DNAH11: variants seen among roughly 807,000 people sequenced by gnomAD.
The protein encoded by DNAH11 is dynein axonemal heavy chain 11.
Under a neutral mutation model 526.0 loss-of-function variants are expected in DNAH11, and 442 were observed. The ratio of observed to expected loss-of-function variants is 0.84; its 90% CI spans 0.78 to 0.91. The LOEUF is 0.91. DNAH11 is among the 40% of genes least tolerant of loss of function. The pLI is 0.00. For synonymous variants in DNAH11, 2,461 were observed against 1,935.9 expected (o/e 1.27, Z -7.12); for missense variants, 6,989 against 5,448.7 (o/e 1.28, Z -8.90).
intron 32 of DNAH11, among the ~76,000 whole-genome samples, chr7:21,685,992 A>G (rs1027636877): frequency 6.6e-6 from 1 of 152,198 alleles, no homozygotes; most frequent in African/African-American, 2.4e-5. Flanking sequence ...AAAACTTGGA[A>G]CCACTGGAGA....
intron 45 of DNAH11, 24 bp from the exon 46 acceptor site, chr7:21,735,616 G>C (rs983479366): frequency 7.1e-6 from 11 of 1,554,938 alleles, no homozygotes; most frequent in Non-Finnish European, 9.6e-6. Context: ...TCTGATCTTT[G>C]TCTCATTCTG....
chr7:21,866,534 G>T lies in DNAH11; in HGVS notation c.11561G>T (p.Trp3854Leu), dbSNP rs1783286698. Residue 3854 changes from tryptophan to leucine, a missense_variant, in exon 71 of 82, where the codon TGG becomes TTG. Trp to Leu is a moderately conservative substitution (Grantham distance 61). Transcript: ENST00000409508. ...DRDVEGSAKQ[W>L]RKWVESECPE... ...GATGTGGAAGGATCTGCCAAGCAGT[G>T]GAGGAAGTGGGTAGAATCCGAGTGT... 1.2e-6 allele frequency: 2 copies of T among 1,613,802 alleles called. No homozygotes were observed. The highest frequency in any genetic ancestry group is 1.7e-6 in the Non-Finnish European group (2 of 1,179,888).
At position 21,809,274 on chromosome 7, in the gene DNAH11, T is replaced by G. The variant is rs1157114201; in HGVS notation, c.10332+1225T>G. 2.6e-5 allele frequency among the ~76,000 whole-genome samples: 4 copies of G among 152,230 alleles called. No individual in the cohort carries two copies. The East Asian group carries it at 5.8e-4, about 22-fold the overall frequency. The stretch of plus-strand genomic sequence containing the variant: ...TTGAGTTGTTTGAGTTCCTTATGTA[T>G]TCTGGTTATTGATGCCTTGTTGGGT... On this transcript the variant is annotated intron_variant, in intron 63 of 81. Transcript: ENST00000409508.
intron 45 of DNAH11, among the ~76,000 whole-genome samples, chr7:21,730,626 G>A (rs1406033872): frequency 6.6e-6 from 1 of 152,130 alleles, no homozygotes; most frequent in Non-Finnish European, 1.5e-5. Context: ...TCACTGACTT[G>A]TGAAATTTTA....
rs1234806386 is a variant in DNAH11, at chr7:21,789,850, T to TTCTTTCTC, written c.10026+511_10026+512insTTCTCTCT. Among the ~76,000 whole-genome samples, 131 of 143,660 alleles carry TTCTTTCTC rather than the reference T, an allele frequency of 9.1e-4. 1 individual carries two copies. The highest frequency in any genetic ancestry group is 3.1e-3 in the African/African-American group (122 of 39,124). 94.2% of individuals were successfully genotyped at this position (143,660 alleles called of 152,430 possible). On this transcript the variant is annotated intron_variant, in intron 61 of 81. Coordinates refer to ENST00000409508, the MANE Select transcript of DNAH11 (RefSeq NM_001277115.2). ...TTTCTTTCTTTCTTTCTTTCTTTCT[T>TTCTTTCTC]TCTCTCTCCTTCCTTCCTTTTCTTT...
chr7:21,604,567 G>A (rs989877087), intron 18 of DNAH11, among the ~76,000 whole-genome samples: 1 of 152,146 alleles, frequency 6.6e-6, no homozygotes, highest in Non-Finnish European at 1.5e-5. Context: ...ATCTCTGCCT[G>A]TTGAAACCTA....
chr7:21,868,941 GA>G lies in DNAH11; in HGVS notation c.11919del (p.Val3974TrpfsTer21). ...AGGACAAGGTCAGGAGACGGTGGCA[GA>G]AGTGGCCCTGGAGAAAGCTTCCAAA... is the stretch of plus-strand genomic sequence containing the variant. ...SLGQGQETVA[E>X]VALEKASKGG... On this transcript the variant is annotated frameshift_variant, in exon 73 of 82. Transcript: ENST00000409508. LOFTEE classifies it high-confidence loss of function. 6.2e-7 allele frequency: 1 copy of G among 1,614,018 alleles called. No homozygotes were observed. Among genetic ancestry groups the G allele is most frequent in the African/African-American group, 1.3e-5 (1 of 75,050 alleles).
intron 71 of DNAH11, 41 bp from the exon 72 acceptor site, chr7:21,867,818 C>G: frequency 2.0e-6 from 3 of 1,537,160 alleles, no homozygotes; most frequent in Middle Eastern, 1.7e-4. Flanking sequence ...TTTTCAAGGT[C>G]AAAACCACTG....
chr7:21,587,948 A>G lies in DNAH11; in HGVS notation c.1711-116A>G, dbSNP rs935197202. 11 of 953,022 alleles carry G rather than the reference A, an allele frequency of 1.2e-5. No individual in the cohort carries two copies. In the African/African-American group the frequency reaches 1.8e-4, roughly 16 times the overall value. 59.0% of individuals were successfully genotyped at this position (953,022 alleles called of 1,614,324 possible). A position where few individuals can be genotyped will look rare whatever the true frequency, so the allele number is the denominator to read the frequency against. On this transcript the variant is annotated intron_variant, in intron 9 of 81. Transcript: ENST00000409508. ...ATTTTACATTTTGAAGCATCACAGG[A>G]TGCTTTTAAGATTCTAAACTTTAGT...
At chr7:21,826,398 C>T (rs907178721) in intron 65 of DNAH11, among the ~76,000 whole-genome samples, 1 of 151,796 alleles carries the variant, frequency 6.6e-6, no homozygotes, top group African/African-American at 2.4e-5. Context: ...TTTTTCAATG[C>T]AGTAAAAGTT....
In DNAH11 at chr7:21,707,684, C is replaced by T; in HGVS notation, c.6547-15C>T. 6.3e-7 allele frequency: 1 copy of T among 1,594,484 alleles called. No homozygotes were observed. The highest frequency in any genetic ancestry group is 1.2e-5 in the South Asian group (1 of 86,542). ...TTAGTATTAATTTTTTTGGCTCTTT[C>T]CTCCTTCCCCTCAGATTTTGAGAAC... On this transcript the variant is annotated splice_polypyrimidine_tract_variant and intron_variant, in intron 39 of 81. Coordinates refer to ENST00000409508, the MANE Select transcript of DNAH11 (RefSeq NM_001277115.2).
Position 21,750,245 on chromosome 7 carries a change from G to A in DNAH11, c.8821G>A (p.Asp2941Asn), listed in dbSNP as rs776368544. 16 of 1,606,144 alleles carry A rather than the reference G, an allele frequency of 1.0e-5. No individual in the cohort carries two copies. Among genetic ancestry groups the A allele is most frequent in the Non-Finnish European group, 8.5e-6 (10 of 1,176,190 alleles). ...ASGEIPDLFSDEDVDKIISGI... is the reference protein window; with the variant it reads ...ASGEIPDLFSNEDVDKIISGI... The stretch of plus-strand genomic sequence containing the variant: ...AGGAGAAATCCCAGATCTGTTCAGC[G>A]ATGAAGATGTGGACAAGATAATTTC... Residue 2941 changes from aspartate (D) to asparagine (N), a missense_variant, in exon 54 of 82, where the codon GAT becomes AAT. Transcript: ENST00000409508.
chr7:21,859,102 G>A (rs1000610715), intron 68 of DNAH11, among the ~76,000 whole-genome samples: 3 of 151,846 alleles, frequency 2.0e-5, no homozygotes, highest in Non-Finnish European at 2.9e-5. Flanking sequence ...AAACATACAT[G>A]AATTTTTTTT....
chr7:21,866,362 T>TA, intron 70 of DNAH11, 108 bp from the exon 71 acceptor site: 1 of 956,382 alleles, frequency 1.0e-6, no homozygotes, highest in Non-Finnish European at 1.5e-6. Flanking sequence ...GAGTGAATAC[T>TA]ATCCAGCACA....
chr7:21,668,273 A>G (rs898584442), intron 30 of DNAH11, among the ~76,000 whole-genome samples: 1 of 152,154 alleles, frequency 6.6e-6, no homozygotes, highest in African/African-American at 2.4e-5. Context: ...AACATTCTTG[A>G]AAATAGAGAT....
chr7:21,558,147 A>T (rs1783295785), intron 2 of DNAH11, among the ~76,000 whole-genome samples: 1 of 152,376 alleles, frequency 6.6e-6, no homozygotes, highest in Admixed American at 6.5e-5. Flanking sequence ...TATATCAGAA[A>T]AATGAAAAAA....
intron 36 of DNAH11, among the ~76,000 whole-genome samples, chr7:21,698,860 A>G (rs1470952617): frequency 6.6e-6 from 1 of 152,144 alleles, no homozygotes; most frequent in Non-Finnish European, 1.5e-5. Context: ...TCAAATGGAG[A>G]TTCCTTTAAA....
intron 30 of DNAH11, among the ~76,000 whole-genome samples, chr7:21,668,931 C>G (rs1012384238): frequency 2.0e-5 from 3 of 152,154 alleles, no homozygotes; most frequent in Non-Finnish European, 4.4e-5. Flanking sequence ...ATTGTTAATA[C>G]TACCATGGAC....
At chr7:21,760,886 G>A (rs573501704) in intron 54 of DNAH11, among the ~76,000 whole-genome samples, 32 of 152,066 alleles carry the variant, frequency 2.1e-4, no homozygotes, top group Admixed American at 1.6e-3. Context: ...GACTATTCAC[G>A]TGCATATTAT....
Sources: gnomAD v4.1 joint callset for allele counts (sites outside exome capture counted in the v4.1 genomes callset) on GRCh38, gnomAD v4.1.1 for gene constraint, MANE v1.5 for transcripts, NCBI Gene and HGNC (gene_info 2026-07-23, HGNC 2026-07-21) for gene names.